The following GRAMD1B variants were observed in gnomAD, a reference collection of about 807,000 sequenced individuals.
The protein encoded by GRAMD1B is protein Aster-B.
In GRAMD1B, 37 loss-of-function variants were observed where a neutral mutation model predicts 99.7. The ratio of observed to expected loss-of-function variants is 0.37; its 90% CI spans 0.29 to 0.49. The LOEUF (loss-of-function observed/expected upper bound fraction) is 0.49, where lower values mean the gene tolerates loss of function less well. Ranked by LOEUF, GRAMD1B falls within the 20% of genes least tolerant of loss-of-function variation. GRAMD1B has a pLI of 0.98. For missense variants in GRAMD1B, 888 were observed against 1,009.2 expected, an observed-to-expected ratio of 0.88 and a Z score of 1.63; for synonymous variants, 427 against 387.6, an observed-to-expected ratio of 1.10 and a Z score of -1.19.
chr11:123,497,049 G>C (rs547767328), intron 2 of GRAMD1B, among the ~76,000 whole-genome samples: 9 of 152,202 alleles, frequency 5.9e-5, no homozygotes, highest in African/African-American at 2.2e-4. Context: ...TGAAGAGTTA[G>C]GCATTTATTG....
At chr11:123,368,909 G>A (rs1042882020) in intron 1 of GRAMD1B, among the ~76,000 whole-genome samples, 20 of 150,990 alleles carry the variant, frequency 1.3e-4, no homozygotes, top group African/African-American at 4.6e-4. Context: ...GCAGTTGAGA[G>A]TTTGAGCTCC....
chr11:123,372,193 G>A (rs959429201), intron 1 of GRAMD1B, among the ~76,000 whole-genome samples: 10 of 152,146 alleles, frequency 6.6e-5, no homozygotes, highest in African/African-American at 2.2e-4. Context: ...CGTCAAACAC[G>A]ATTATACAGA....
chr11:123,609,916 G>A lies in GRAMD1B; in HGVS notation c.1776+3G>A. 2.0e-6 allele frequency: 3 copies of A among 1,481,538 alleles called. No individual in the cohort carries two copies. Among genetic ancestry groups the A allele is most frequent in the Non-Finnish European group, 2.8e-6 (3 of 1,072,302 alleles). The allele number at this position is 1,481,538 out of a possible 1,614,324, so 91.8% of individuals were successfully genotyped here. A position where few individuals can be genotyped will look rare whatever the true frequency, so the allele number is the denominator to read the frequency against. On this transcript the variant is annotated splice_donor_region_variant and intron_variant, in intron 13 of 19. Coordinates refer to ENST00000635736, the MANE Select transcript of GRAMD1B (RefSeq NM_001387025.1). ...CTGCCACTGTCAGGGAGACACAGGT[G>A]AGCAGAGCCGCGGATGCACAGAAGA...
chr11:123,505,255 C>T (rs1940305204), intron 2 of GRAMD1B, among the ~76,000 whole-genome samples: 1 of 151,816 alleles, frequency 6.6e-6, no homozygotes, highest in Non-Finnish European at 1.5e-5. Context: ...TGGTCCTGAA[C>T]TCCTGGCCTC....
At chr11:123,482,372 A>G (rs758996249) in intron 2 of GRAMD1B, among the ~76,000 whole-genome samples, 6 of 152,198 alleles carry the variant, frequency 3.9e-5, no homozygotes, top group Non-Finnish European at 8.8e-5. Flanking sequence ...TGCTGGGATT[A>G]CAAGCGTGAG....
rs539692285 is a variant in GRAMD1B at position 123,502,510 on chromosome 11, C to T, written c.452+21617C>T. ...ATCATAAATTGAAAATACTGTGGCA[C>T]ATGCCTGTAATCCCAGCACTTTGGG... On this transcript the variant is annotated intron_variant, in intron 2 of 19. Coordinates refer to ENST00000635736, the MANE Select transcript of GRAMD1B (RefSeq NM_001387025.1). 5.3e-5 allele frequency among the ~76,000 whole-genome samples: 8 copies of T among 152,280 alleles called. No homozygotes were observed. In the South Asian group the frequency reaches 8.3e-4, roughly 16 times the overall value.
intron 1 of GRAMD1B, among the ~76,000 whole-genome samples, chr11:123,461,083 G>T (rs11219150): frequency 0.03 from 4,578 of 152,216 alleles, 97 homozygotes; most frequent in Admixed American, 0.063. Flanking sequence ...TAGCCAGTTG[G>T]GAAGCCATAG....
intron 4 of GRAMD1B, among the ~76,000 whole-genome samples, chr11:123,586,470 G>C (rs557267122): frequency 6.6e-6 from 1 of 152,184 alleles, no homozygotes; most frequent in Non-Finnish European, 1.5e-5. Context: ...GAGGCCAAGC[G>C]CACAAGGGGC....
chr11:123,388,410 C>A (rs901907507), intron 1 of GRAMD1B, among the ~76,000 whole-genome samples: 1 of 151,690 alleles, frequency 6.6e-6, no homozygotes, highest in South Asian at 2.1e-4. Context: ...CGGTGGCTCA[C>A]ACCTGTAATC....
intron 2 of GRAMD1B, among the ~76,000 whole-genome samples, chr11:123,501,064 T>C (rs1591725951): frequency 6.6e-6 from 1 of 152,236 alleles, no homozygotes; most frequent in East Asian, 1.9e-4. Context: ...AAATTACTAT[T>C]ATACTCATCT....
chr11:123,445,834 A>C (rs910820318), intron 1 of GRAMD1B, among the ~76,000 whole-genome samples: 1 of 151,214 alleles, frequency 6.6e-6, no homozygotes, highest in South Asian at 2.1e-4. Flanking sequence ...AAAAAAAAAA[A>C]AAAACAAGAC....
At chr11:123,391,525 C>T (rs985537290) in intron 1 of GRAMD1B, among the ~76,000 whole-genome samples, 12 of 152,090 alleles carry the variant, frequency 7.9e-5, no homozygotes, top group Admixed American at 2.0e-4. Flanking sequence ...GGCATGATCT[C>T]GGCTCACTGC....
intron 2 of GRAMD1B, among the ~76,000 whole-genome samples, chr11:123,495,552 C>G (rs973109811): frequency 1.3e-5 from 2 of 152,168 alleles, no homozygotes; most frequent in South Asian, 2.1e-4. Flanking sequence ...CACTTCCCCC[C>G]ACTTTTCCAC....
intron 1 of GRAMD1B, among the ~76,000 whole-genome samples, chr11:123,375,855 C>G (rs1175871739): frequency 6.6e-6 from 1 of 152,142 alleles, no homozygotes; most frequent in African/African-American, 2.4e-5. Context: ...TTCGTGTACT[C>G]ATCTATTTGG....
chr11:123,545,440 C>G (rs962646083), intron 2 of GRAMD1B, among the ~76,000 whole-genome samples: 1 of 152,176 alleles, frequency 6.6e-6, no homozygotes, highest in Non-Finnish European at 1.5e-5. Flanking sequence ...ATGTGGGGAC[C>G]TAGTCCATCA....
chr11:123,491,536 G>C, intron 2 of GRAMD1B: 1 of 203,668 alleles, frequency 4.9e-6, no homozygotes, highest in Non-Finnish European at 9.8e-6. Context: ...TGAGGACAAA[G>C]GAGGAGAGGA....
At chr11:123,396,483 C>T (rs1209127585) in intron 1 of GRAMD1B, among the ~76,000 whole-genome samples, 5 of 152,068 alleles carry the variant, frequency 3.3e-5, no homozygotes, top group African/African-American at 9.7e-5. Context: ...GCCATGTTGG[C>T]CAGGCTGATC....
chr11:123,620,518 C>T (rs1454766671), intron 19 of GRAMD1B, among the ~76,000 whole-genome samples: 1 of 147,326 alleles, frequency 6.8e-6, no homozygotes, highest in Non-Finnish European at 1.5e-5. Flanking sequence ...CTTAATGCAG[C>T]TATCAAGACC....
At chr11:123,613,004 G>T (rs1953803946) in intron 15 of GRAMD1B, 140 bp downstream of exon 15, 1 of 616,316 alleles carries the variant, frequency 1.6e-6, no homozygotes, top group Non-Finnish European at 2.9e-6. Flanking sequence ...ACCCACACCT[G>T]CTTCAGAAGT....
Sources: gnomAD v4.1 joint callset for allele counts (sites outside exome capture counted in the v4.1 genomes callset) on GRCh38, gnomAD v4.1.1 for gene constraint, MANE v1.5 for transcripts, NCBI Gene and HGNC (gene_info 2026-07-23, HGNC 2026-07-21) for gene names.